USP45: variants seen among roughly 807,000 people sequenced by gnomAD.
USP45 encodes the protein ubiquitin specific peptidase 45.
A neutral mutation model predicts 95.8 loss-of-function variants in USP45; 89 were observed. The ratio of observed to expected loss-of-function variants is 0.93; its 90% CI spans 0.78 to 1.11. The LOEUF (loss-of-function observed/expected upper bound fraction) is 1.11. USP45 is among the 50% of genes least tolerant of loss of function. The pLI, the probability that USP45 is intolerant of heterozygous loss-of-function variation, is 0.00. For missense variants in USP45, 898 were observed against 942.5 expected, an observed-to-expected ratio of 0.95 and a Z score of 0.62; for synonymous variants, 281 against 316.2, an observed-to-expected ratio of 0.89 and a Z score of 1.18.
intron 7 of USP45, among the ~76,000 whole-genome samples, chr6:99,486,808 T>C (rs1794002179): frequency 6.6e-6 from 1 of 152,042 alleles, no homozygotes; most frequent in African/African-American, 2.4e-5. Flanking sequence ...TCATGAGCTA[T>C]ACATATACTC....
chr6:99,458,127 T>G (rs1444617854), intron 13 of USP45, among the ~76,000 whole-genome samples: 1 of 152,132 alleles, frequency 6.6e-6, no homozygotes, highest in Non-Finnish European at 1.5e-5. Flanking sequence ...TTCCAGAGAT[T>G]CTCCTGCCTC....
At position 99,508,720 on chromosome 6, in the gene USP45, C is replaced by A; in HGVS notation, c.163G>T (p.Ala55Ser). The A allele has an allele frequency of 6.2e-7, 1 of 1,613,766 alleles. No homozygotes were observed. The highest frequency in any genetic ancestry group is 8.5e-7 in the Non-Finnish European group (1 of 1,179,916). ...ISVNHVKRAI[A>S]ENLWSVCSEC... ...GAGCAAACTGACCACAGATTCTCAG[C>A]TATTGCTCTCTTTACATGATTCACG... is the stretch of plus-strand genomic sequence containing the variant. Residue 55 changes from alanine (A) to serine (S), a missense_variant, in exon 3 of 18, where the codon GCT (alanine) becomes TCT (serine). By Grantham distance (99) the Ala-to-Ser change is moderately conservative (BLOSUM62 1). Transcript: ENST00000500704.
rs145958611 is a variant in USP45 at position 99,436,349 on chromosome 6, T to A, written c.2315-503A>T. The stretch of plus-strand genomic sequence containing the variant: ...GGTGGATCACTTGAGGTCAGGAGTT[T>A]GAGACCAACCCAGCCAACATGGTGA... On this transcript the variant is annotated intron_variant, in intron 17 of 17. Coordinates refer to ENST00000500704, the MANE Select transcript of USP45 (RefSeq NM_001346022.3). Among the ~76,000 whole-genome samples, 215 of 152,136 alleles carry A rather than the reference T, an allele frequency of 1.4e-3. 1 individual carries two copies. In the East Asian group the frequency reaches 0.037, roughly 26 times the overall value.
chr6:99,438,830 G>A (rs1276080622), intron 16 of USP45, among the ~76,000 whole-genome samples: 2 of 152,178 alleles, frequency 1.3e-5, no homozygotes, highest in Non-Finnish European at 2.9e-5. Flanking sequence ...GGCCATGGAT[G>A]TAAGGTTTTA....
intron 13 of USP45, chr6:99,462,633 A>T: frequency 8.1e-6 from 8 of 985,452 alleles, no homozygotes; most frequent in Non-Finnish European, 8.4e-6. Flanking sequence ...TATAGAAAAC[A>T]TGTTGTCCTT....
intron 5 of USP45, among the ~76,000 whole-genome samples, chr6:99,499,185 G>A (rs986240458): frequency 3.3e-5 from 5 of 152,106 alleles, no homozygotes; most frequent in African/African-American, 1.2e-4. Flanking sequence ...TTCAAAATGT[G>A]TTTAACATAC....
chr6:99,449,523 A>G (rs1035158460), intron 13 of USP45, among the ~76,000 whole-genome samples: 4 of 150,536 alleles, frequency 2.7e-5, no homozygotes, highest in Non-Finnish European at 4.4e-5. Context: ...GAGCACCCAC[A>G]TTCATAAAGC....
At chr6:99,464,948 A>G (rs1376482926) in intron 12 of USP45, 132 bp downstream of exon 12, 3 of 953,186 alleles carry the variant, frequency 3.1e-6, no homozygotes, top group Middle Eastern at 3.4e-4. Context: ...ATCAGACTCA[A>G]TTATGAATAC....
At position 99,515,408 on chromosome 6, in the gene USP45, G is replaced by T. The variant is rs1460901000; in HGVS notation, c.-27C>A. 1 of 152,264 alleles carries T rather than the reference G, an allele frequency of 6.6e-6. No individual in the cohort carries two copies. Among genetic ancestry groups the T allele is most frequent in the Non-Finnish European group, 1.5e-5 (1 of 68,080 alleles). 9.4% of individuals were successfully genotyped at this position (152,264 alleles called of 1,614,324 possible). On this transcript the variant is annotated 5_prime_UTR_variant, in exon 1 of 18. Coordinates refer to ENST00000500704, the MANE Select transcript of USP45 (RefSeq NM_001346022.3). ...TCAACTCACCCCGCCGGGCCGGGCC[G>T]CAGCGTCTACAACCTGGGGAGACTG...
chr6:99,443,270 A>G (rs568400470), intron 15 of USP45, among the ~76,000 whole-genome samples: 87 of 152,270 alleles, frequency 5.7e-4, no homozygotes, highest in Non-Finnish European at 6.6e-4. Context: ...CAGCCTCCCA[A>G]AGGCCGAGGG....
intron 14 of USP45, among the ~76,000 whole-genome samples, chr6:99,444,278 G>C (rs942308884): frequency 6.6e-6 from 1 of 152,182 alleles, no homozygotes; most frequent in Non-Finnish European, 1.5e-5. Flanking sequence ...GCCTCCCAAA[G>C]TGTTGGGATT....
At chr6:99,436,063 T>C (rs574657619) in intron 17 of USP45, among the ~76,000 whole-genome samples, 1 of 152,076 alleles carries the variant, frequency 6.6e-6, no homozygotes, top group East Asian at 1.9e-4. Flanking sequence ...TGTGGTTTGT[T>C]ACATAGGTAT....
chr6:99,500,742 T>C (rs1317201881), intron 5 of USP45, among the ~76,000 whole-genome samples: 1 of 152,028 alleles, frequency 6.6e-6, no homozygotes, highest in Non-Finnish European at 1.5e-5. Context: ...TTCCTGGTTC[T>C]TTATTTGAGC....
intron 5 of USP45, among the ~76,000 whole-genome samples, chr6:99,501,402 G>A (rs1468171884): frequency 6.6e-6 from 1 of 152,104 alleles, no homozygotes; most frequent in African/African-American, 2.4e-5. Flanking sequence ...TACAGTATCT[G>A]TCATGACCAG....
At chr6:99,510,686 T>C (rs1263780618) in intron 1 of USP45, among the ~76,000 whole-genome samples, 1 of 152,136 alleles carries the variant, frequency 6.6e-6, no homozygotes, top group African/African-American at 2.4e-5. Flanking sequence ...GATACTAGAT[T>C]TGCCAGCATC....
intron 6 of USP45, 45 bp from the exon 7 acceptor site, chr6:99,488,340 G>A (rs768399750): frequency 7.8e-7 from 1 of 1,280,214 alleles, no homozygotes; most frequent in Non-Finnish European, 1.1e-6. Flanking sequence ...GTTAAAATAT[G>A]CCTCTGATTT....
chr6:99,463,266 T>C (rs947600950), intron 13 of USP45, among the ~76,000 whole-genome samples: 4 of 152,036 alleles, frequency 2.6e-5, no homozygotes, highest in Admixed American at 6.6e-5. Flanking sequence ...ATCTAGACAA[T>C]GGTTATCAGT....
chr6:99,447,826 G>A (rs937059936), intron 13 of USP45, among the ~76,000 whole-genome samples: 3 of 152,164 alleles, frequency 2.0e-5, no homozygotes, highest in Admixed American at 1.3e-4. Flanking sequence ...TCACACGGCC[G>A]GGTACCCATC....
chr6:99,445,325 A>C (rs1004213522), intron 14 of USP45, among the ~76,000 whole-genome samples: 8 of 152,082 alleles, frequency 5.3e-5, no homozygotes, highest in African/African-American at 1.4e-4. Flanking sequence ...TCTACTAAAA[A>C]TACAAAAATT....
Sources: gnomAD v4.1 joint callset for allele counts (sites outside exome capture counted in the v4.1 genomes callset) on GRCh38, gnomAD v4.1.1 for gene constraint, MANE v1.5 for transcripts, NCBI Gene and HGNC (gene_info 2026-07-23, HGNC 2026-07-21) for gene names.